The following EYS variants were observed in gnomAD, a reference collection of about 807,000 sequenced individuals.
The protein encoded by EYS is EGF-like photoreceptor maintenance factor, also known as protein eyes shut homolog.
Under a neutral mutation model 282.1 loss-of-function variants are expected in EYS, and 250 were observed. The ratio of observed to expected loss-of-function variants is 0.89; its 90% confidence interval spans 0.80 to 0.98. The LOEUF is 0.98. Among genes scored for constraint, EYS ranks in the 50% least tolerant of loss-of-function variants. The pLI is 0.00. For synonymous variants in EYS, 1,355 were observed against 1,282.9 expected, an observed-to-expected ratio of 1.06 and a Z score of -1.20; for missense variants, 4,016 against 3,709.0, an observed-to-expected ratio of 1.08 and a Z score of -2.15.
chr6:65,404,912 A>T (rs1045845066), intron 6 of EYS, among the ~76,000 whole-genome samples: 1 of 152,000 alleles, frequency 6.6e-6, no homozygotes, highest in Non-Finnish European at 1.5e-5. Flanking sequence ...AATATTGAAT[A>T]ACTAAAAGAT....
chr6:65,368,354 C>T (rs1257115340), intron 8 of EYS, among the ~76,000 whole-genome samples: 1 of 151,660 alleles, frequency 6.6e-6, no homozygotes. Flanking sequence ...TCAAATCCTT[C>T]ACACATAATG....
intron 22 of EYS, among the ~76,000 whole-genome samples, chr6:64,634,921 C>A (rs928873265): frequency 2.6e-5 from 4 of 152,082 alleles, no homozygotes; most frequent in African/African-American, 9.7e-5. Flanking sequence ...GGCAGTATGG[C>A]CATTTTCACG....
At chr6:64,961,150 T>G (rs937836182) in intron 14 of EYS, among the ~76,000 whole-genome samples, 2 of 152,226 alleles carry the variant, frequency 1.3e-5, no homozygotes, top group South Asian at 4.2e-4. Context: ...ACAATTGATA[T>G]TTATTTGGGT....
intron 35 of EYS, among the ~76,000 whole-genome samples, chr6:63,976,727 AT>A (rs1454638362): frequency 6.6e-6 from 1 of 152,042 alleles, no homozygotes; most frequent in Non-Finnish European, 1.5e-5. Flanking sequence ...TATAAAAATC[AT>A]GTTTATAACT....
At chr6:64,532,611 A>T (rs1267801425) in intron 26 of EYS, among the ~76,000 whole-genome samples, 7 of 152,110 alleles carry the variant, frequency 4.6e-5, no homozygotes, top group African/African-American at 1.7e-4. Flanking sequence ...CGGGAGGCTG[A>T]GGCAGGAGAA....
intron 22 of EYS, among the ~76,000 whole-genome samples, chr6:64,692,893 G>T (rs1770437400): frequency 6.8e-6 from 1 of 146,112 alleles, no homozygotes; most frequent in African/African-American, 2.5e-5. Flanking sequence ...GGTTACAGCT[G>T]CTCTGTAGTA....
chr6:63,877,117 T>C (rs1037810174), intron 35 of EYS, among the ~76,000 whole-genome samples: 3 of 152,236 alleles, frequency 2.0e-5, no homozygotes, highest in African/African-American at 7.2e-5. Flanking sequence ...TGGTTGTTCC[T>C]TTCCATGTTT....
intron 22 of EYS, among the ~76,000 whole-genome samples, chr6:64,686,843 ATATATATATATGTGTATATATATACGTG>A (rs1301700445): frequency 0.013 from 532 of 41,048 alleles, 117 homozygotes; most frequent in African/African-American, 0.037. Context: ...ATATACGTGT[ATATATATATATGTGTATATATATACGTG>A]TATATATATA....
At chr6:65,402,798 T>C (rs573697464) in intron 6 of EYS, among the ~76,000 whole-genome samples, 193 bp from the exon 7 acceptor site, 15 of 152,198 alleles carry the variant, frequency 9.9e-5, no homozygotes, top group African/African-American at 3.4e-4. Context: ...CTTCCTGCTA[T>C]GTGAAATCAA....
chr6:65,347,877 T>G (rs527837506), intron 9 of EYS, among the ~76,000 whole-genome samples: 2 of 151,620 alleles, frequency 1.3e-5, no homozygotes, highest in South Asian at 4.2e-4. Context: ...TCCATCCACC[T>G]CACTATCCTT....
chr6:63,991,587 G>A (rs140766755), intron 34 of EYS, among the ~76,000 whole-genome samples: 69 of 151,486 alleles, frequency 4.6e-4, no homozygotes, highest in African/African-American at 9.2e-4. Context: ...GAATTTCAAC[G>A]GCAGGCTTGG....
intron 5 of EYS, among the ~76,000 whole-genome samples, chr6:65,408,350 CTTCTT>C (rs777528568): frequency 6.6e-6 from 1 of 151,842 alleles, no homozygotes; most frequent in Non-Finnish European, 1.5e-5. Flanking sequence ...TTCCTTTTCT[CTTCTT>C]TTAAGAGATT....
intron 2 of EYS, among the ~76,000 whole-genome samples, chr6:65,517,145 G>T (rs1767165216): frequency 6.6e-6 from 1 of 151,652 alleles, no homozygotes; most frequent in Non-Finnish European, 1.5e-5. Flanking sequence ...CATGGAAATT[G>T]GATTTAAACC....
chr6:64,391,701 G>C (rs1009770024), intron 28 of EYS, among the ~76,000 whole-genome samples: 4 of 152,022 alleles, frequency 2.6e-5, no homozygotes, highest in Non-Finnish European at 5.9e-5. Context: ...TCAAGACTAG[G>C]AAGAAACTGC....
chr6:64,160,397 G>A (rs185309431), intron 31 of EYS, among the ~76,000 whole-genome samples: 164 of 152,024 alleles, frequency 1.1e-3, no homozygotes, highest in Non-Finnish European at 1.9e-3. Flanking sequence ...AAATTATATC[G>A]ATTCCTATTG....
At chr6:65,560,683 C>T (rs1403045129) in intron 2 of EYS, among the ~76,000 whole-genome samples, 2 of 151,718 alleles carry the variant, frequency 1.3e-5, no homozygotes, top group African/African-American at 4.8e-5. Context: ...TAAAAGCACA[C>T]AACTTTTAAG....
chr6:63,875,121 C>G (rs1369646379), intron 35 of EYS, among the ~76,000 whole-genome samples: 2 of 152,096 alleles, frequency 1.3e-5, no homozygotes, highest in African/African-American at 4.8e-5. Context: ...TCATAAATAG[C>G]TCTTATTATT....
intron 22 of EYS, among the ~76,000 whole-genome samples, chr6:64,776,650 A>G (rs1000528570): frequency 1.3e-5 from 2 of 152,076 alleles, no homozygotes; most frequent in Non-Finnish European, 2.9e-5. Context: ...TGAGCTCATC[A>G]CATGTCTCAT....
At chr6:64,741,906 A>C (rs1326373001) in intron 22 of EYS, among the ~76,000 whole-genome samples, 2 of 152,164 alleles carry the variant, frequency 1.3e-5, no homozygotes, top group Non-Finnish European at 2.9e-5. Flanking sequence ...CTTTCTTCCT[A>C]GGAGCAATGA....
Sources: allele counts gnomAD v4.1 joint callset (sites outside exome capture counted in the v4.1 genomes callset), GRCh38; gene constraint gnomAD v4.1.1; transcripts MANE v1.5; gene names NCBI Gene and HGNC (gene_info 2026-07-23, HGNC 2026-07-21).